CFTR: variants seen among roughly 807,000 people sequenced by gnomAD.
CFTR encodes the protein cystic fibrosis transmembrane conductance regulator.
CFTR carries 181 observed loss-of-function variants against 171.6 expected under a neutral mutation model. The observed-to-expected ratio is 1.05, with a 90% CI of 0.93 to 1.19. CFTR has a LOEUF of 1.19. Among genes scored for constraint, CFTR ranks in the 50% most tolerant of loss-of-function variants. The probability of loss-of-function intolerance (pLI) is 0.00; values close to 1 mark genes in which losing one functional copy is unlikely to be tolerated. For synonymous variants in CFTR, 583 were observed against 608.0 expected, an observed-to-expected ratio of 0.96 and a Z score of 0.60; for missense variants, 1,968 against 1,734.7, an observed-to-expected ratio of 1.13 and a Z score of -2.39.
intron 15 of CFTR, among the ~76,000 whole-genome samples, chr7:117,596,102 T>C (rs563352704): frequency 1.3e-5 from 2 of 152,084 alleles, no homozygotes; most frequent in Non-Finnish European, 2.9e-5. Flanking sequence ...CTTTCTGGGC[T>C]GGCCAAGGCC....
chr7:117,501,750 AAAAAAAAAAAAAAAAAAAAAAGAAAC>A (rs1430295431), intron 1 of CFTR, among the ~76,000 whole-genome samples: 12 of 117,624 alleles, frequency 1.0e-4, no homozygotes, highest in South Asian at 3.7e-4. Context: ...TCTGTCTCAA[AAAAAAAAAAAAAAAAAAAAAAGAAAC>A]AAAAAAAAAA....
intron 10 of CFTR, among the ~76,000 whole-genome samples, chr7:117,558,573 A>ATAAC (rs1799401078): frequency 6.6e-6 from 1 of 151,726 alleles, no homozygotes; most frequent in Non-Finnish European, 1.5e-5. Flanking sequence ...AAATAAATAA[A>ATAAC]TAAATAAATA....
chr7:117,627,212 C>T (rs1241286400), intron 21 of CFTR, among the ~76,000 whole-genome samples: 1 of 151,962 alleles, frequency 6.6e-6, no homozygotes, highest in Non-Finnish European at 1.5e-5. Context: ...CAGTGCTGCT[C>T]ATAGTAGAAA....
intron 5 of CFTR, among the ~76,000 whole-genome samples, chr7:117,534,867 G>A (rs1402067982): frequency 1.3e-5 from 2 of 152,194 alleles, no homozygotes; most frequent in African/African-American, 2.4e-5. Context: ...GAGTGTGGTT[G>A]TGTGGATTAA....
intron 11 of CFTR, among the ~76,000 whole-genome samples, chr7:117,573,027 C>A (rs981448459): frequency 6.7e-6 from 1 of 149,286 alleles, no homozygotes; most frequent in Non-Finnish European, 1.5e-5. Context: ...AAATGTAACA[C>A]TCCACCCTTT....
rs121908763 is a variant in CFTR at position 117,627,640 on chromosome 7, C to G, written c.3587C>G (p.Ser1196Ter). 1.9e-6 allele frequency: 3 copies of G among 1,613,468 alleles called. No homozygotes were observed. The highest frequency in any genetic ancestry group is 2.5e-6 in the Non-Finnish European group (3 of 1,179,606). ...QLSKVMIIEN[S>*]HVKKDDIWPS... ...TCGAAAGTTATGATTATTGAGAATT[C>G]ACACGTGAAGAAAGATGACATCTGG... Residue 1196 changes from serine (S) to a stop codon, truncating the protein, a stop_gained, in exon 22 of 27, where the codon TCA becomes TGA. Coordinates refer to ENST00000003084, the MANE Select transcript of CFTR (RefSeq NM_000492.4). LOFTEE classifies it high-confidence loss of function.
intron 1 of CFTR, among the ~76,000 whole-genome samples, chr7:117,483,611 G>A (rs1274467115): frequency 6.6e-6 from 1 of 152,058 alleles, no homozygotes; most frequent in African/African-American, 2.4e-5. Context: ...CCAGGCTAGA[G>A]TGCAGTGACA....
intron 21 of CFTR, among the ~76,000 whole-genome samples, chr7:117,622,580 T>C (rs1792600330): frequency 6.6e-6 from 1 of 152,208 alleles, no homozygotes; most frequent in African/African-American, 2.4e-5. Flanking sequence ...CTATCAGTTA[T>C]GAAGTCTCTT....
Position 117,592,337 on chromosome 7 carries a change from A to C in CFTR, c.2170A>C (p.Ile724Leu). The part of the protein sequence containing the change: ...VQKTPLQMNG[I>L]EEDSDEPLER... ...AAAGACTCCCTTACAAATGAATGGC[A>C]TCGAAGAGGATTCTGATGAGCCTTT... is the stretch of plus-strand genomic sequence containing the variant. Residue 724 changes from isoleucine to leucine, a missense_variant, in exon 14 of 27, where the codon ATC (isoleucine) becomes CTC (leucine). Transcript: ENST00000003084. The C allele has an allele frequency of 6.2e-7, 1 of 1,614,186 alleles. No individual in the cohort carries two copies. The highest frequency in any genetic ancestry group is 1.3e-5 in the African/African-American group (1 of 75,074).
At chr7:117,606,063 T>C (rs966154021) in intron 17 of CFTR, among the ~76,000 whole-genome samples, 1 of 152,206 alleles carries the variant, frequency 6.6e-6, no homozygotes, top group Non-Finnish European at 1.5e-5. Context: ...CACTTGTATA[T>C]AACCTTTTTT....
chr7:117,642,649 A>G, intron 23 of CFTR, 56 bp downstream of exon 23: 1 of 1,548,340 alleles, frequency 6.5e-7, no homozygotes, highest in Non-Finnish European at 8.9e-7. Flanking sequence ...TTTTACTGCT[A>G]TTTGATACTT....
At chr7:117,509,659 A>G (rs1054875552) in intron 3 of CFTR, among the ~76,000 whole-genome samples, 21 of 152,192 alleles carry the variant, frequency 1.4e-4, no homozygotes, top group Non-Finnish European at 2.4e-4. Flanking sequence ...TTCTCTTGCA[A>G]TATATTTTCT....
chr7:117,629,581 T>C (rs1254248377), intron 22 of CFTR, among the ~76,000 whole-genome samples: 5 of 152,172 alleles, frequency 3.3e-5, no homozygotes, highest in Admixed American at 3.3e-4. Context: ...AGAGGAAACT[T>C]TAAGATTGAA....
chr7:117,618,095 C>T (rs1792520521), intron 21 of CFTR, among the ~76,000 whole-genome samples: 1 of 152,146 alleles, frequency 6.6e-6, no homozygotes. Context: ...CATTTTCTTT[C>T]TACCTCTCTG....
At chr7:117,490,145 A>G (rs1798134340) in intron 1 of CFTR, among the ~76,000 whole-genome samples, 1 of 152,008 alleles carries the variant, frequency 6.6e-6, no homozygotes, top group Non-Finnish European at 1.5e-5. Context: ...CTTATTAACA[A>G]TGTGATCTTA....
chr7:117,521,757 A>G (rs1798689389), intron 3 of CFTR, among the ~76,000 whole-genome samples: 1 of 152,198 alleles, frequency 6.6e-6, no homozygotes, highest in Admixed American at 6.5e-5. Context: ...CTTTGGGATC[A>G]GAACTGTAAT....
Position 117,519,768 on chromosome 7 carries a change from A to G in CFTR, c.273+10626A>G, listed in dbSNP as rs566027857. Among the ~76,000 whole-genome samples, 3 of 152,004 alleles carry G rather than the reference A, an allele frequency of 2.0e-5. No individual in the cohort carries two copies. In the East Asian group the frequency reaches 5.8e-4, roughly 29 times the overall value. ...GATGTTTTTCTACCTAGTTACTTTC[A>G]TGAATCATATGGCTGTACCATGATT... On this transcript the variant is annotated intron_variant, in intron 3 of 26. Coordinates refer to ENST00000003084, the MANE Select transcript of CFTR (RefSeq NM_000492.4).
At chr7:117,544,828 T>C (rs1296864013) in intron 9 of CFTR, among the ~76,000 whole-genome samples, 1 of 152,238 alleles carries the variant, frequency 6.6e-6, no homozygotes, top group Non-Finnish European at 1.5e-5. Context: ...ACAACATAGA[T>C]TCTGCTATCA....
intron 26 of CFTR, 69 bp downstream of exon 26, chr7:117,665,633 T>C: frequency 2.0e-6 from 2 of 981,644 alleles, no homozygotes; most frequent in South Asian, 1.3e-5. Context: ...TCACATGTGA[T>C]AGTTCCTGCA....
Sources: gnomAD v4.1 joint callset for allele counts (sites outside exome capture counted in the v4.1 genomes callset) on GRCh38, gnomAD v4.1.1 for gene constraint, MANE v1.5 for transcripts, NCBI Gene and HGNC (gene_info 2026-07-23, HGNC 2026-07-21) for gene names.